ULK4: variants seen among roughly 807,000 people sequenced by gnomAD.
ULK4 encodes the protein inactive serine/threonine-protein kinase ULK4.
A neutral mutation model predicts 160.6 loss-of-function variants in ULK4; 133 were observed. The ratio of observed to expected loss-of-function variants is 0.83; its 90% CI spans 0.72 to 0.96. The LOEUF (loss-of-function observed/expected upper bound fraction) is 0.96. Ranked by LOEUF, ULK4 falls within the 40% of genes least tolerant of loss-of-function variation. The pLI, the probability that ULK4 is intolerant of heterozygous loss-of-function variation, is 0.00. For missense variants in ULK4, 1,580 were observed against 1,499.5 expected (o/e 1.05, Z -0.89); for synonymous variants, 534 against 539.8 (o/e 0.99, Z 0.15).
intron 19 of ULK4, among the ~76,000 whole-genome samples, chr3:41,817,910 C>T (rs767464997): frequency 2.0e-5 from 3 of 152,004 alleles, no homozygotes; most frequent in Non-Finnish European, 2.9e-5. Context: ...CTAGCAGGTA[C>T]ATGACCAAAG....
chr3:41,559,685 T>A (rs575616277), intron 32 of ULK4, among the ~76,000 whole-genome samples: 1 of 152,192 alleles, frequency 6.6e-6, no homozygotes, highest in South Asian at 2.1e-4. Context: ...TTTTGAGAAG[T>A]GTCTGTTCAT....
intron 32 of ULK4, among the ~76,000 whole-genome samples, chr3:41,480,128 A>G (rs2084271114): frequency 6.6e-6 from 1 of 151,104 alleles, no homozygotes; most frequent in Admixed American, 6.6e-5. Flanking sequence ...AATGACGTGA[A>G]CCTGGGAGGC....
chr3:41,425,504 C>T (rs1406471077), intron 34 of ULK4, among the ~76,000 whole-genome samples: 1 of 152,038 alleles, frequency 6.6e-6, no homozygotes, highest in Non-Finnish European at 1.5e-5. Context: ...TCAGATTCTC[C>T]AAGGTCAAAA....
chr3:41,525,489 A>G (rs1389816413), intron 32 of ULK4, among the ~76,000 whole-genome samples: 2 of 152,194 alleles, frequency 1.3e-5, no homozygotes, highest in Non-Finnish European at 2.9e-5. Context: ...ACAGGCAGGA[A>G]ATCAAAGGTC....
chr3:41,654,572 C>A (rs1433866714), intron 30 of ULK4, among the ~76,000 whole-genome samples: 1 of 152,102 alleles, frequency 6.6e-6, no homozygotes, highest in Non-Finnish European at 1.5e-5. Flanking sequence ...GCATTATAAT[C>A]CTAAAATCAA....
At chr3:41,367,541 G>A (rs576960220) in intron 35 of ULK4, among the ~76,000 whole-genome samples, 425 of 152,144 alleles carry the variant, frequency 2.8e-3, no homozygotes, top group Middle Eastern at 3.4e-3. Context: ...CCCACGCTTC[G>A]CTCTTCCTCA....
intron 35 of ULK4, among the ~76,000 whole-genome samples, chr3:41,258,063 T>C (rs2078869124): frequency 6.6e-6 from 1 of 152,206 alleles, no homozygotes; most frequent in African/African-American, 2.4e-5. Flanking sequence ...GGACTGCTTC[T>C]GTCTCCCAGA....
intron 30 of ULK4, among the ~76,000 whole-genome samples, chr3:41,628,255 G>A (rs2125699891): frequency 6.6e-6 from 1 of 152,240 alleles, no homozygotes; most frequent in South Asian, 2.1e-4. Flanking sequence ...AAAATTTGAA[G>A]TTTGTGACAG....
chr3:41,285,628 A>G (rs2079442288), intron 35 of ULK4, among the ~76,000 whole-genome samples: 1 of 152,206 alleles, frequency 6.6e-6, no homozygotes, highest in Non-Finnish European at 1.5e-5. Context: ...AAGACTACAA[A>G]CAGGGTGCAG....
At chr3:41,736,450 G>A (rs1413342501) in intron 22 of ULK4, among the ~76,000 whole-genome samples, 1 of 152,090 alleles carries the variant, frequency 6.6e-6, no homozygotes, top group African/African-American at 2.4e-5. Flanking sequence ...CAGTGATGAT[G>A]AGCATTTTTT....
Position 41,333,011 on chromosome 3 carries a change from G to A in ULK4, c.3678+65068C>T, listed in dbSNP as rs370897759. Among the ~76,000 whole-genome samples the A allele has an allele frequency of 3.5e-4, 54 of 152,326 alleles. No homozygotes were observed. In the East Asian group the frequency reaches 4.0e-3, roughly 11 times the overall value. On this transcript the variant is annotated intron_variant, in intron 35 of 36. Transcript: ENST00000301831. Reference sequence around the variant, plus strand: ...TTTCCAACAAAGCATTGCACAGTGAGATCCAGAGGATGCGATAATAACACA... The same window carrying A: ...TTTCCAACAAAGCATTGCACAGTGAAATCCAGAGGATGCGATAATAACACA...
intron 27 of ULK4, among the ~76,000 whole-genome samples, chr3:41,693,197 C>T (rs193132178): frequency 1.3e-5 from 2 of 152,154 alleles, no homozygotes; most frequent in Admixed American, 6.5e-5. Context: ...AAGACTGTGT[C>T]GAAACTAGCA....
chr3:41,281,033 T>C (rs1302352692), intron 35 of ULK4, among the ~76,000 whole-genome samples: 1 of 152,136 alleles, frequency 6.6e-6, no homozygotes, highest in Admixed American at 6.6e-5. Context: ...AACACGTCTA[T>C]GCAAATAAAC....
At chr3:41,617,959 G>A (rs928711042) in intron 30 of ULK4, among the ~76,000 whole-genome samples, 9 of 152,078 alleles carry the variant, frequency 5.9e-5, no homozygotes, top group Admixed American at 4.6e-4. Flanking sequence ...AACATAGCAC[G>A]AGAACTTTGA....
chr3:41,770,475 T>C (rs190111661), intron 21 of ULK4, among the ~76,000 whole-genome samples: 12 of 152,180 alleles, frequency 7.9e-5, no homozygotes, highest in Admixed American at 5.2e-4. Context: ...CTACCAAAAA[T>C]TGTGTAACGT....
At chr3:41,417,291 G>A (rs932934797) in intron 34 of ULK4, among the ~76,000 whole-genome samples, 4 of 152,172 alleles carry the variant, frequency 2.6e-5, no homozygotes, top group African/African-American at 4.8e-5. Flanking sequence ...GTCTAGTAAG[G>A]AGAGATCATC....
At chr3:41,474,394 C>T (rs2084080669) in intron 32 of ULK4, among the ~76,000 whole-genome samples, 1 of 152,104 alleles carries the variant, frequency 6.6e-6, no homozygotes, top group African/African-American at 2.4e-5. Flanking sequence ...AGACCTGACA[C>T]TGAAAAACCA....
intron 32 of ULK4, among the ~76,000 whole-genome samples, chr3:41,535,850 G>A (rs757590204): frequency 6.6e-6 from 1 of 152,208 alleles, no homozygotes; most frequent in African/African-American, 2.4e-5. Flanking sequence ...GGCCAGGATA[G>A]AGTTTCTGAC....
At chr3:41,580,389 TAA>T (rs1165663919) in intron 31 of ULK4, among the ~76,000 whole-genome samples, 11 of 149,914 alleles carry the variant, frequency 7.3e-5, no homozygotes, top group African/African-American at 2.5e-4. Context: ...TTTTTTTTTT[TAA>T]AAAAACCTGT....
Sources: gnomAD v4.1 joint callset for allele counts (sites outside exome capture counted in the v4.1 genomes callset) on GRCh38, gnomAD v4.1.1 for gene constraint, MANE v1.5 for transcripts, NCBI Gene and HGNC (gene_info 2026-07-23, HGNC 2026-07-21) for gene names.